Variants in QARS1 observed in about 807,000 individuals in gnomAD.
The protein encoded by QARS1 is glutaminyl-tRNA synthetase 1.
In QARS1, 79 loss-of-function variants were observed where a neutral mutation model predicts 106.9. The ratio of observed to expected loss-of-function variants is 0.74; its 90% CI spans 0.62 to 0.89. The LOEUF (loss-of-function observed/expected upper bound fraction) is 0.89. Among genes scored for constraint, QARS1 ranks in the 40% least tolerant of loss-of-function variants. The probability of loss-of-function intolerance (pLI) is 0.00; values close to 1 mark genes in which losing one functional copy is unlikely to be tolerated. For missense variants in QARS1, 966 were observed against 997.2 expected, an observed-to-expected ratio of 0.97 and a Z score of 0.42; for synonymous variants, 395 against 367.7, an observed-to-expected ratio of 1.07 and a Z score of -0.85.
Position 49,104,400 on chromosome 3 carries a change from G to A in QARS1, c.189C>T (p.Leu63=). 1 of 1,614,244 alleles carries A rather than the reference G, an allele frequency of 6.2e-7. No homozygotes were observed. The highest frequency in any genetic ancestry group is 8.5e-7 in the Non-Finnish European group (1 of 1,180,044). The change falls in exon 2 of 24, where the codon CTC becomes CTT. Residue 63 remains leucine, a synonymous_variant. Coordinates refer to ENST00000306125, the MANE Select transcript of QARS1 (RefSeq NM_005051.3). ...GILLYGLASR[L]RDTRRLSFLV... is the part of the protein sequence containing the mutation. ...GGAAGGAGAGACGCCGGGTATCCCT[G>A]AGTCGGGAGGCCAAGCCATATAACA...
In QARS1 at chr3:49,099,610, C is replaced by T. The variant is rs144092780; in HGVS notation, c.1426G>A (p.Val476Ile). The part of the protein sequence containing the change: ...SYFWLCNALD[V>I]YCPVQWEYGR... ...TACTCCCACTGCACAGGGCAATAGA[C>T]GTCCAGTGCATTGCAAAGCCAGAAG... The change falls in exon 16 of 24, where the codon GTC becomes ATC. Residue 476 changes from valine to isoleucine, a missense_variant. Val to Ile is a conservative substitution (Grantham distance 29). Coordinates refer to ENST00000306125, the MANE Select transcript of QARS1 (RefSeq NM_005051.3). 2.1e-3 allele frequency: 3,332 copies of T among 1,614,166 alleles called. 7 individuals are homozygous for T. The highest frequency in any genetic ancestry group is 2.4e-3 in the Non-Finnish European group (2,830 of 1,180,016).
rs1354751810 is a variant in QARS1, at chr3:49,104,460, G to A, written c.129C>T (p.Thr43=). 1 of 1,614,112 alleles carries A rather than the reference G, an allele frequency of 6.2e-7. No homozygotes were observed. Among genetic ancestry groups the A allele is most frequent in the Non-Finnish European group, 8.5e-7 (1 of 1,180,046 alleles). Residue 43 remains threonine (T), a synonymous_variant, in exon 2 of 24, where the codon ACC becomes ACT. Coordinates refer to ENST00000306125, the MANE Select transcript of QARS1 (RefSeq NM_005051.3). The part of the protein sequence containing the change: ...LREAATQAQQ[T]LGSTIDKATG... The stretch of plus-strand genomic sequence containing the variant: ...TAGCTTTGTCAATGGTGGAACCCAG[G>A]GTCTGCTGAGCCTGAGGTCAGAGGG...
At chr3:49,101,317 G>T in intron 10 of QARS1, 38 bp downstream of exon 10, 1 of 1,454,226 alleles carries the variant, frequency 6.9e-7, no homozygotes, top group Non-Finnish European at 9.6e-7. Context: ...AACAGCAAGT[G>T]GTCATCTTGC....
chr3:49,099,582 C>T lies in QARS1; in HGVS notation c.1454G>A (p.Gly485Asp). Residue 485 changes from glycine to aspartate, a missense_variant, in exon 16 of 24, where the codon GGC (glycine) becomes GAC (aspartate). Coordinates refer to ENST00000306125, the MANE Select transcript of QARS1 (RefSeq NM_005051.3). ...AACAGCATAGTGCAGGTTGAGGCGGCCATACTCCCACTGCACAGGGCAATA... is the reference window on the plus strand; with the variant it reads ...AACAGCATAGTGCAGGTTGAGGCGGTCATACTCCCACTGCACAGGGCAATA... ...DVYCPVQWEY[G>D]RLNLHYAVVS... 6.2e-7 allele frequency: 1 copy of T among 1,614,176 alleles called. No individual in the cohort carries two copies. Among genetic ancestry groups the T allele is most frequent in the African/African-American group, 1.3e-5 (1 of 75,044 alleles).
At chr3:49,102,689 T>C in intron 5 of QARS1, 1 of 624,938 alleles carries the variant, frequency 1.6e-6, no homozygotes, top group South Asian at 1.6e-5. Context: ...TTGCCCAGGC[T>C]GGAATGCAAT....
At chr3:49,103,189 C>T in intron 5 of QARS1, 156 bp downstream of exon 5, 1 of 760,432 alleles carries the variant, frequency 1.3e-6, no homozygotes, top group Non-Finnish European at 2.2e-6. Context: ...AACTCCTGGG[C>T]TCAAGTAATC....
Position 49,101,672 on chromosome 3 carries a change from G to A in QARS1, c.737C>T (p.Thr246Ile), listed in dbSNP as rs374197799. ...ENYKTPGYVV[T>I]PHTMNLLKQH... is the part of the protein sequence containing the mutation. ...CTTTAGTAGATTCATGGTGTGTGGA[G>A]TGACCACATAGCCTGGGGTCTTGTA... Residue 246 changes from threonine (T) to isoleucine (I), a missense_variant, in exon 9 of 24, where the codon ACT (threonine) becomes ATT (isoleucine). Thr to Ile is a moderately conservative substitution (Grantham distance 89, BLOSUM62 -1). Coordinates refer to ENST00000306125, the MANE Select transcript of QARS1 (RefSeq NM_005051.3). 1 of 1,614,072 alleles carries A rather than the reference G, an allele frequency of 6.2e-7. No individual in the cohort carries two copies. Among genetic ancestry groups the A allele is most frequent in the Non-Finnish European group, 8.5e-7 (1 of 1,180,026 alleles).
At position 49,099,329 on chromosome 3, in the gene QARS1, C is replaced by T; in HGVS notation, c.1614+15G>A. 6.2e-7 allele frequency: 1 copy of T among 1,614,208 alleles called. No homozygotes were observed. Among genetic ancestry groups the T allele is most frequent in the Non-Finnish European group, 8.5e-7 (1 of 1,180,034 alleles). On this transcript the variant is annotated intron_variant, in intron 17 of 23. Transcript: ENST00000306125. Reference sequence around the variant, plus strand: ...CTCAACCCCCAATGTATCTACCCAACCTGCTGGGCTATACCCGGGCACAGA... The same window carrying T: ...CTCAACCCCCAATGTATCTACCCAATCTGCTGGGCTATACCCGGGCACAGA...
intron 5 of QARS1, 106 bp downstream of exon 5, chr3:49,103,239 T>G: frequency 2.1e-4 from 257 of 1,224,390 alleles, no homozygotes; most frequent in Non-Finnish European, 2.8e-4. Flanking sequence ...ATCAGAAGCG[T>G]GAGCCACCAT....
At position 49,098,785 on chromosome 3, in the gene QARS1, A is replaced by C. The variant is rs527379243; in HGVS notation, c.1864-93T>G. ...CCCCGTGTCTGGCAAAGATTGGTTC[A>C]TCTGAAGCAGGAAGTAGATGGACTG... On this transcript the variant is annotated intron_variant, in intron 19 of 23. Transcript: ENST00000306125. 1.3e-4 allele frequency: 195 copies of C among 1,504,982 alleles called. 1 individual carries two copies. The Admixed American group carries it at 3.4e-3, about 26-fold the overall frequency. The allele number at this position is 1,504,982 out of a possible 1,614,324, so 93.2% of individuals were successfully genotyped here. A position where few individuals can be genotyped will look rare whatever the true frequency, so the allele number is the denominator to read the frequency against.
rs763569700 is a variant in QARS1, at chr3:49,100,360, C to T, written c.1055+20G>A. On this transcript the variant is annotated intron_variant, in intron 12 of 23. Coordinates refer to ENST00000306125, the MANE Select transcript of QARS1 (RefSeq NM_005051.3). ...GACCTAGTCAGTCTGCCTGGCTCTA[C>T]GTCATGGCCCTGGCCTTACCTGCGG... 6.2e-6 allele frequency: 10 copies of T among 1,614,038 alleles called. No homozygotes were observed. Among genetic ancestry groups the T allele is most frequent in the South Asian group, 1.1e-5 (1 of 91,088 alleles).
intron 12 of QARS1, 35 bp from the exon 13 acceptor site, chr3:49,100,333 G>A (rs902546942): frequency 1.9e-5 from 31 of 1,613,964 alleles, no homozygotes; most frequent in Non-Finnish European, 2.5e-5. Context: ...CAGCATGGCT[G>A]TGACCTAGTC....
At chr3:49,102,025 T>C in intron 7 of QARS1, 126 bp from the exon 8 acceptor site, 1 of 1,305,142 alleles carries the variant, frequency 7.7e-7, no homozygotes, top group Non-Finnish European at 1.1e-6. Context: ...GCCAGACATC[T>C]GAGGCCTCTC....
chr3:49,104,239 T>G, intron 2 of QARS1, 85 bp downstream of exon 2: 1 of 1,560,862 alleles, frequency 6.4e-7, no homozygotes, highest in Non-Finnish European at 8.8e-7. Flanking sequence ...AGAAAGAAAC[T>G]GGAGGACTTG....
rs759210586 is a variant in QARS1 at position 49,099,107 on chromosome 3, C to T, written c.1758+3G>A. 1.9e-6 allele frequency: 3 copies of T among 1,614,180 alleles called. No homozygotes were observed. Among genetic ancestry groups the T allele is most frequent in the African/African-American group, 1.3e-5 (1 of 75,046 alleles). ...TGTGACACACATGTTGAGGCAGGCCCACCTTGGCAGCAGGAAAGTTGGTGA... is the reference window on the plus strand; with the variant it reads ...TGTGACACACATGTTGAGGCAGGCCTACCTTGGCAGCAGGAAAGTTGGTGA... On this transcript the variant is annotated splice_donor_region_variant and intron_variant, in intron 18 of 23. Transcript: ENST00000306125.
Position 49,104,577 on chromosome 3 carries a change from CATG to C in QARS1, c.117+37_117+39del. ...GACCCCGCCCCGCGCTGCGTTGCAG[CATG>C]GTCTGCAAACCAGGCCGGGGGCAGA... On this transcript the variant is annotated intron_variant, in intron 1 of 23. Coordinates refer to ENST00000306125, the MANE Select transcript of QARS1 (RefSeq NM_005051.3). The C allele has an allele frequency of 1.4e-5, 22 of 1,597,726 alleles. 1 individual carries two copies. The Middle Eastern group carries it at 3.9e-3, about 281-fold the overall frequency.
At chr3:49,098,717 A>G (rs1311401456) in intron 19 of QARS1, 25 bp from the exon 20 acceptor site, 1 of 1,565,414 alleles carries the variant, frequency 6.4e-7, no homozygotes, top group South Asian at 1.2e-5. Flanking sequence ...TGGGGTAGAC[A>G]CATGAGGCTG....
At chr3:49,102,340 C>A in intron 6 of QARS1, 75 bp from the exon 7 acceptor site, 1 of 1,612,728 alleles carries the variant, frequency 6.2e-7, no homozygotes, top group South Asian at 1.1e-5. Context: ...TCCCTGTGGT[C>A]AGACACTTCC....
chr3:49,101,955 CAG>C (rs1368070843), intron 7 of QARS1, 56 bp from the exon 8 acceptor site: 5 of 1,542,944 alleles, frequency 3.2e-6, no homozygotes, highest in Admixed American at 1.9e-5. Flanking sequence ...CCATATCCTA[CAG>C]CCAGAACAGA....
Sources: allele counts gnomAD v4.1 joint callset, GRCh38; gene constraint gnomAD v4.1.1; transcripts MANE v1.5; gene names NCBI Gene and HGNC (gene_info 2026-07-23, HGNC 2026-07-21).